ABCC4: variants seen among roughly 807,000 people sequenced by gnomAD.
ABCC4 encodes ATP-binding cassette sub-family C member 4.
Under a neutral mutation model 168.5 loss-of-function variants are expected in ABCC4, and 102 were observed. The observed-to-expected ratio is 0.61, with a 90% CI of 0.52 to 0.71. ABCC4 has a LOEUF of 0.71. Ranked by LOEUF, ABCC4 falls within the 30% of genes least tolerant of loss-of-function variation. The pLI, the probability that ABCC4 is intolerant of heterozygous loss-of-function variation, is 0.00. For missense variants in ABCC4, 1,402 were observed against 1,605.8 expected (o/e 0.87, Z 2.17); for synonymous variants, 617 against 590.7 (o/e 1.04, Z -0.65).
chr13:95,065,229 C>A (rs1264778539), intron 25 of ABCC4, among the ~76,000 whole-genome samples: 1 of 152,212 alleles, frequency 6.6e-6, no homozygotes, highest in Admixed American at 6.5e-5. Flanking sequence ...ACTCAATACC[C>A]TCACTTTAAT....
chr13:95,217,091 C>A (rs1226738176), intron 4 of ABCC4, among the ~76,000 whole-genome samples: 1 of 152,164 alleles, frequency 6.6e-6, no homozygotes, highest in East Asian at 1.9e-4. Context: ...AGCAGGGCAC[C>A]ATTTGATAGC....
intron 20 of ABCC4, among the ~76,000 whole-genome samples, chr13:95,105,309 G>A (rs1219168455): frequency 6.6e-6 from 1 of 152,004 alleles, no homozygotes; most frequent in Non-Finnish European, 1.5e-5. Context: ...CTTGTCCACC[G>A]CTCACCTCCT....
Position 95,063,414 on chromosome 13 carries a change from C to A in ABCC4, c.3211-555G>T, listed in dbSNP as rs367866011. On this transcript the variant is annotated intron_variant, in intron 25 of 30. Coordinates refer to ENST00000645237, the MANE Select transcript of ABCC4 (RefSeq NM_005845.5). ...TCTAGAGTTCTATTATTTAAGATAA[C>A]ATATTCTTTGGTAGAGAAACTTCCA... is the stretch of plus-strand genomic sequence containing the variant. 6.6e-5 allele frequency among the ~76,000 whole-genome samples: 10 copies of A among 151,910 alleles called. No individual in the cohort carries two copies. The East Asian group carries it at 1.9e-3, about 29-fold the overall frequency.
chr13:95,080,791 T>A (rs888712211), intron 21 of ABCC4, among the ~76,000 whole-genome samples: 2 of 151,988 alleles, frequency 1.3e-5, no homozygotes, highest in Non-Finnish European at 2.9e-5. Flanking sequence ...TTATTAAGAT[T>A]CATTAAATGC....
intron 20 of ABCC4, among the ~76,000 whole-genome samples, chr13:95,113,797 T>C (rs186779385): frequency 5.6e-4 from 85 of 152,322 alleles, no homozygotes; most frequent in African/African-American, 1.8e-3. Context: ...AACCAGTTAC[T>C]GCATTGTTTA....
At chr13:95,219,285 G>A (rs751766074) in intron 4 of ABCC4, among the ~76,000 whole-genome samples, 9 of 152,054 alleles carry the variant, frequency 5.9e-5, no homozygotes, top group Non-Finnish European at 7.4e-5. Context: ...CTGGTTTATC[G>A]ACTGAGAGGG....
At chr13:95,156,602 G>T (rs1313156162) in intron 19 of ABCC4, among the ~76,000 whole-genome samples, 1 of 152,202 alleles carries the variant, frequency 6.6e-6, no homozygotes, top group Non-Finnish European at 1.5e-5. Context: ...GGTAGATGCA[G>T]CGAACAGTAC....
intron 20 of ABCC4, among the ~76,000 whole-genome samples, chr13:95,100,548 G>A (rs1373396630): frequency 6.6e-6 from 1 of 152,144 alleles, no homozygotes; most frequent in Admixed American, 6.6e-5. Flanking sequence ...AGAAATCCAG[G>A]GGTCAAGAGT....
intron 4 of ABCC4, among the ~76,000 whole-genome samples, chr13:95,229,717 C>A (rs1394109788): frequency 6.6e-6 from 1 of 152,212 alleles, no homozygotes; most frequent in Admixed American, 6.5e-5. Context: ...TCCATTCCAT[C>A]GTAGGTCTAG....
chr13:95,158,088 A>T (rs1229478166), intron 19 of ABCC4, among the ~76,000 whole-genome samples: 1 of 151,736 alleles, frequency 6.6e-6, no homozygotes, highest in Non-Finnish European at 1.5e-5. Context: ...AAAAAAAAAA[A>T]AGAAACAGAA....
At chr13:95,228,522 C>A (rs546737592) in intron 4 of ABCC4, among the ~76,000 whole-genome samples, 49 of 152,220 alleles carry the variant, frequency 3.2e-4, no homozygotes, top group Admixed American at 1.0e-3. Flanking sequence ...CACCTGTAAT[C>A]CCAGCACTTT....
At chr13:95,255,141 C>A (rs879739769) in intron 1 of ABCC4, among the ~76,000 whole-genome samples, 4 of 152,308 alleles carry the variant, frequency 2.6e-5, no homozygotes, top group Middle Eastern at 3.4e-3. Context: ...GGACACACAC[C>A]AGTGCAAATG....
intron 4 of ABCC4, among the ~76,000 whole-genome samples, chr13:95,231,422 T>C (rs2039618478): frequency 6.6e-6 from 1 of 152,162 alleles, no homozygotes; most frequent in African/African-American, 2.4e-5. Flanking sequence ...CAATACCAAA[T>C]GTCGACGACG....
intron 19 of ABCC4, among the ~76,000 whole-genome samples, chr13:95,147,011 T>C (rs2036520941): frequency 6.6e-6 from 1 of 152,196 alleles, no homozygotes; most frequent in South Asian, 2.1e-4. Flanking sequence ...CTTAAGCTCT[T>C]ATCAAATTAT....
intron 4 of ABCC4, among the ~76,000 whole-genome samples, chr13:95,220,043 T>G (rs11616898): frequency 0.074 from 11,290 of 151,560 alleles, 655 homozygotes; most frequent in East Asian, 0.22. Context: ...TTTTTTTAGT[T>G]TTAGTAGAGA....
At chr13:95,242,979 A>G (rs758179643) in intron 3 of ABCC4, among the ~76,000 whole-genome samples, 3 of 152,218 alleles carry the variant, frequency 2.0e-5, no homozygotes, top group Admixed American at 2.0e-4. Flanking sequence ...TTATTATGTT[A>G]AAGACACAAG....
chr13:95,193,618 T>C (rs955343167), intron 9 of ABCC4, among the ~76,000 whole-genome samples: 1 of 152,198 alleles, frequency 6.6e-6, no homozygotes, highest in Non-Finnish European at 1.5e-5. Flanking sequence ...GACAAGTGCA[T>C]TTGCAGAGGA....
intron 1 of ABCC4, among the ~76,000 whole-genome samples, chr13:95,297,014 T>G (rs143024549): frequency 0.012 from 1,829 of 152,246 alleles, 16 homozygotes; most frequent in Non-Finnish European, 0.02. Flanking sequence ...CTCACACCTG[T>G]AATCCCAGCA....
In ABCC4 at chr13:95,030,196, T is replaced by C. The variant is rs1472276548; in HGVS notation, c.3870+4409A>G. ...CCACCATGCCTGGCTAATTTTTTTA[T>C]TTTTAGTAGAGACAGGGTTTCACCA... is the stretch of plus-strand genomic sequence containing the variant. On this transcript the variant is annotated intron_variant, in intron 30 of 30. Coordinates refer to ENST00000645237, the MANE Select transcript of ABCC4 (RefSeq NM_005845.5). Among the ~76,000 whole-genome samples the C allele has an allele frequency of 2.6e-5, 4 of 152,262 alleles. No homozygotes were observed. The East Asian group carries it at 5.8e-4, about 22-fold the overall frequency.
Sources: allele counts gnomAD v4.1 joint callset (sites outside exome capture counted in the v4.1 genomes callset), GRCh38; gene constraint gnomAD v4.1.1; transcripts MANE v1.5; gene names NCBI Gene and HGNC (gene_info 2026-07-23, HGNC 2026-07-21).